The following MTCL1 variants were observed in gnomAD, a reference collection of about 807,000 sequenced individuals.
The protein encoded by MTCL1 is microtubule crosslinking factor 1, also known as microtubule cross-linking factor 1.
Under a neutral mutation model 141.4 loss-of-function variants are expected in MTCL1, and 79 were observed. The ratio of observed to expected loss-of-function variants is 0.56; its 90% CI spans 0.47 to 0.67. The LOEUF (loss-of-function observed/expected upper bound fraction) is 0.67. Ranked by LOEUF, MTCL1 falls within the 30% of genes least tolerant of loss-of-function variation. The pLI is 0.00. For synonymous variants in MTCL1, 914 were observed against 875.8 expected (o/e 1.04, Z -0.77); for missense variants, 2,177 against 2,113.9 (o/e 1.03, Z -0.59).
At chr18:8,827,346 C>T (rs2077058524) in intron 15 of MTCL1, among the ~76,000 whole-genome samples, 1 of 152,238 alleles carries the variant, frequency 6.6e-6, no homozygotes, top group Admixed American at 6.5e-5. Flanking sequence ...GCCTGGCCCA[C>T]CAATGAATGT....
Position 8,705,694 on chromosome 18 carries a change from GC to G in MTCL1, c.38del (p.Pro13ArgfsTer174). The G allele has an allele frequency of 8.3e-7, 1 of 1,201,316 alleles. No individual in the cohort carries two copies. The highest frequency in any genetic ancestry group is 1.0e-6 in the Non-Finnish European group (1 of 967,748). The allele number at this position is 1,201,316 out of a possible 1,614,324, so 74.4% of individuals were successfully genotyped here. A position where few individuals can be genotyped will look rare whatever the true frequency, so the allele number is the denominator to read the frequency against. On this transcript the variant is annotated frameshift_variant, in exon 1 of 14. Transcript: ENST00000306329. LOFTEE classifies it high-confidence loss of function. This position sits in a 1 kb window ranked among gnomAD's most constrained non-coding sequence, Gnocchi z 5.2. ...ACTGAACGGCCCCGCGGGCGGAGGT[GC>G]CCCGGACGCGAAGCTGCAGCCGCCC...
At chr18:8,798,104 A>C in exon 10 of MTCL1, 1 of 1,583,244 alleles carries the variant, frequency 6.3e-7, no homozygotes, top group Non-Finnish European at 8.6e-7. Context: ...CAGGGTGAAC[A>C]TCCAGAGACC....
At chr18:8,734,864 C>T (rs1445476376) in intron 4 of MTCL1, among the ~76,000 whole-genome samples, 2 of 152,176 alleles carry the variant, frequency 1.3e-5, no homozygotes, top group Non-Finnish European at 2.9e-5. Context: ...TTTAGAACTT[C>T]CCTGGTGGTT....
chr18:8,706,405 G>C, exon 1 of MTCL1: 1 of 1,228,614 alleles, frequency 8.1e-7, no homozygotes, highest in South Asian at 4.1e-5. Context: ...CCCACGAGGA[G>C]CGCCGACGCC....
At chr18:8,831,983 A>G in exon 17 of MTCL1, 3 of 742,060 alleles carry the variant, frequency 4.0e-6, no homozygotes, top group Non-Finnish European at 4.3e-6. Context: ...AGAATGAAAC[A>G]GTAAATGTGC....
intron 12 of MTCL1, among the ~76,000 whole-genome samples, chr18:8,817,197 G>A (rs2076682027): frequency 6.7e-6 from 1 of 148,950 alleles, no homozygotes; most frequent in Non-Finnish European, 1.5e-5. Context: ...AGATGATCAT[G>A]TGTTGAAACT....
chr18:8,798,668 C>T (rs2076010161), intron 10 of MTCL1, among the ~76,000 whole-genome samples: 1 of 152,146 alleles, frequency 6.6e-6, no homozygotes, highest in African/African-American at 2.4e-5. Flanking sequence ...AAAAATCCCC[C>T]AACATGGACA....
intron 2 of MTCL1, 116 bp from the exon 2 acceptor site, chr18:8,718,308 A>T (rs1458116038): frequency 6.9e-6 from 7 of 1,016,148 alleles, no homozygotes; most frequent in Non-Finnish European, 1.0e-5. Flanking sequence ...CCATGAGGTG[A>T]TGGGTAAGCG....
At chr18:8,710,042 G>T (rs1234398005) in intron 1 of MTCL1, among the ~76,000 whole-genome samples, 1 of 152,180 alleles carries the variant, frequency 6.6e-6, no homozygotes, top group Admixed American at 6.5e-5. Context: ...GTTTCACCAT[G>T]TTGGCCAGGC....
exon 15 of MTCL1, chr18:8,826,210 C>G (rs2077021389): frequency 6.2e-7 from 1 of 1,603,992 alleles, no homozygotes; most frequent in African/African-American, 1.3e-5. Flanking sequence ...CTGGGGGACA[C>G]AGCCGAGCCA....
chr18:8,781,553 A>G (rs182927894), intron 5 of MTCL1, among the ~76,000 whole-genome samples: 1 of 152,322 alleles, frequency 6.6e-6, no homozygotes, highest in Non-Finnish European at 1.5e-5. Context: ...CCCAATACTA[A>G]TTGTGTTTCA....
At chr18:8,733,147 C>T (rs113409378) in intron 4 of MTCL1, among the ~76,000 whole-genome samples, 4 of 152,306 alleles carry the variant, frequency 2.6e-5, no homozygotes, top group African/African-American at 9.6e-5. Flanking sequence ...GACGCAGTGC[C>T]TGGGAGCCAG....
chr18:8,807,915 G>T (rs1021577422), intron 11 of MTCL1, among the ~76,000 whole-genome samples: 1 of 151,264 alleles, frequency 6.6e-6, no homozygotes, highest in Non-Finnish European at 1.5e-5. Flanking sequence ...ATTTTGTAGG[G>T]ATTGGCCTGG....
rs1243638558 is a variant in MTCL1, at chr18:8,825,828, A to C, written c.4318A>C (p.Asn1440His). 6.2e-7 allele frequency: 1 copy of C among 1,614,010 alleles called. No individual in the cohort carries two copies. Among genetic ancestry groups the C allele is most frequent in the African/African-American group, 1.3e-5 (1 of 74,914 alleles). The stretch of plus-strand genomic sequence containing the variant: ...GGAGAGCCCCGTGCACACCACCATT[A>C]ATGATGGCCTCTCCAGCCTCTTCAA... The change falls in exon 15 of 17, where the codon AAT becomes CAT. Residue 1440 changes from asparagine (N) to histidine (H), a missense_variant. Coordinates refer to ENST00000359865, the Ensembl canonical transcript of MTCL1.
intron 4 of MTCL1, among the ~76,000 whole-genome samples, chr18:8,739,943 G>A (rs1026471799): frequency 5.3e-5 from 8 of 152,246 alleles, no homozygotes; most frequent in African/African-American, 1.9e-4. Flanking sequence ...ATGTTGGCCA[G>A]GATGTTCTCA....
chr18:8,795,247 T>C (rs1366695197), intron 8 of MTCL1, among the ~76,000 whole-genome samples: 1 of 152,212 alleles, frequency 6.6e-6, no homozygotes, highest in Admixed American at 6.5e-5. Flanking sequence ...CCATGGCCTC[T>C]GAGAATTAAT....
chr18:8,745,239 A>G (rs1175726567), intron 4 of MTCL1, among the ~76,000 whole-genome samples: 4 of 152,268 alleles, frequency 2.6e-5, no homozygotes, highest in African/African-American at 4.8e-5. Context: ...AGCATTATCA[A>G]TTGGTTGCCA....
chr18:8,826,247 G>C lies in MTCL1; in HGVS notation c.4722+15G>C. The C allele has an allele frequency of 1.9e-6, 3 of 1,562,872 alleles. No individual in the cohort carries two copies. Among genetic ancestry groups the C allele is most frequent in the Non-Finnish European group, 2.6e-6 (3 of 1,152,716 alleles). Reference sequence around the variant, plus strand: ...GGCCCATGGAGGTAATGAATGCTGAGTGCCCCACACCCTTCCCCACCAGCT... The same window carrying C: ...GGCCCATGGAGGTAATGAATGCTGACTGCCCCACACCCTTCCCCACCAGCT... On this transcript the variant is annotated intron_variant, in intron 15 of 16. Coordinates refer to ENST00000359865, the Ensembl canonical transcript of MTCL1.
At chr18:8,756,305 G>A (rs550894531) in intron 4 of MTCL1, among the ~76,000 whole-genome samples, 1 of 151,674 alleles carries the variant, frequency 6.6e-6, no homozygotes, top group African/African-American at 2.4e-5. Context: ...AAAAAGAAGT[G>A]TGTGTGTGTA....
Sources: allele counts gnomAD v4.1 joint callset (sites outside exome capture counted in the v4.1 genomes callset), GRCh38; gene constraint gnomAD v4.1.1; non-coding constraint Gnocchi (gnomAD v3.1); transcripts MANE v1.5; gene names NCBI Gene and HGNC (gene_info 2026-07-23, HGNC 2026-07-21).